The following SHROOM4 variants were observed in gnomAD, a reference collection of about 807,000 sequenced individuals.
SHROOM4 encodes shroom family member 4, also known as protein Shroom4.
In SHROOM4, 17 loss-of-function variants were observed where a neutral mutation model predicts 80.3. The ratio of observed to expected loss-of-function variants is 0.21; its 90% CI spans 0.14 to 0.32. The LOEUF (loss-of-function observed/expected upper bound fraction) is 0.32, where lower values mean the gene tolerates loss of function less well. Ranked by LOEUF, SHROOM4 falls within the 10% of genes least tolerant of loss-of-function variation. The pLI is 1.00. For missense variants in SHROOM4, 993 were observed against 1,140.3 expected (o/e 0.87, Z 1.86); for synonymous variants, 400 against 437.5 (o/e 0.91, Z 1.07).
chrX:50,781,047 T>C (rs1411943255), intron 1 of SHROOM4, among the ~76,000 whole-genome samples: 1 of 110,878 alleles, frequency 9.0e-6, no homozygotes, highest in Non-Finnish European at 1.9e-5. Flanking sequence ...GCACCAATGG[T>C]CCAAGGGCAG....
At chrX:50,640,618 T>C (rs1418128557) in intron 2 of SHROOM4, among the ~76,000 whole-genome samples, 1 of 111,649 alleles carries the variant, frequency 9.0e-6, no homozygotes, top group Non-Finnish European at 1.9e-5. Flanking sequence ...TACTCTCCTA[T>C]TCAAGAATCT....
At chrX:50,734,918 G>A (rs1257556788) in intron 1 of SHROOM4, among the ~76,000 whole-genome samples, 1 of 110,133 alleles carries the variant, frequency 9.1e-6, no homozygotes, top group African/African-American at 3.3e-5. Context: ...CGCCAGGTAA[G>A]GAGTCCCTTT....
chrX:50,645,625 G>C (rs1261108622), intron 2 of SHROOM4, among the ~76,000 whole-genome samples: 1 of 111,931 alleles, frequency 8.9e-6, no homozygotes, highest in Non-Finnish European at 1.9e-5. Flanking sequence ...ATCCTTCGTT[G>C]AGGGAAGATG....
At chrX:50,718,774 C>G (rs955496340) in intron 1 of SHROOM4, among the ~76,000 whole-genome samples, 1 of 111,494 alleles carries the variant, frequency 9.0e-6, no homozygotes, top group African/African-American at 3.3e-5. Context: ...ACTGAAGTGG[C>G]AGGCCCAAAG....
At chrX:50,803,974 A>G (rs1010473995) in intron 1 of SHROOM4, among the ~76,000 whole-genome samples, 1 of 111,780 alleles carries the variant, frequency 8.9e-6, no homozygotes, top group South Asian at 3.8e-4. Flanking sequence ...TGGTCTTCCA[A>G]CTTTTTGCAG....
intron 7 of SHROOM4, among the ~76,000 whole-genome samples, chrX:50,601,007 A>G (rs1929371485): frequency 8.9e-6 from 1 of 112,145 alleles, no homozygotes; most frequent in African/African-American, 3.2e-5. Flanking sequence ...GATAGATGGA[A>G]GGATAAAAGT....
intron 4 of SHROOM4, among the ~76,000 whole-genome samples, chrX:50,629,466 A>G (rs1354430142): frequency 8.9e-6 from 1 of 111,931 alleles, no homozygotes. Flanking sequence ...CAACTATATA[A>G]TAGTATAATC....
At chrX:50,647,123 C>T (rs2316200) in intron 2 of SHROOM4, among the ~76,000 whole-genome samples, 22,147 of 110,859 alleles carry the variant, frequency 0.2, 2,019 homozygotes, top group East Asian at 0.33. Flanking sequence ...ATGCAGTACT[C>T]GGGATTCTCT....
intron 5 of SHROOM4, among the ~76,000 whole-genome samples, chrX:50,618,309 T>TTCCC (rs1930366797): frequency 1.5e-3 from 1 of 653 alleles, no homozygotes; most frequent in Non-Finnish European, 4.6e-3. Context: ...CCTTCCTTCC[T>TTCCC]TCCTTCCTTC....
chrX:50,636,227 T>C (rs1208784132), intron 3 of SHROOM4, among the ~76,000 whole-genome samples: 2 of 110,774 alleles, frequency 1.8e-5, no homozygotes, highest in Non-Finnish European at 3.8e-5. Flanking sequence ...TTCCAACAAC[T>C]TCCCAGGTGC....
downstream of SHROOM4, among the ~76,000 whole-genome samples, chrX:50,585,316 C>G (rs1298163413): frequency 9.0e-6 from 1 of 111,579 alleles, no homozygotes; most frequent in African/African-American, 3.3e-5. Flanking sequence ...GATGTGAAAT[C>G]TGAGTTGACA....
intron 8 of SHROOM4, 56 bp from the exon 9 acceptor site, chrX:50,597,020 C>T: frequency 8.6e-7 from 1 of 1,166,724 alleles, no homozygotes; most frequent in East Asian, 3.0e-5. Flanking sequence ...ATCTGTCCAA[C>T]AGTGCTGCCT....
At position 50,633,458 on chromosome X, in the gene SHROOM4, C is replaced by G; in HGVS notation, c.2615G>C (p.Cys872Ser). ...ASKGLENSMC[C>S]KPLHCGDFDY... ...AAAATCACCACAGTGTAGTGGCTTA[C>G]AACACATGGAATTTTCTAGACCTTT... Residue 872 changes from cysteine to serine, a missense_variant, in exon 4 of 9, where the codon TGT becomes TCT. Coordinates refer to ENST00000376020, the MANE Select transcript of SHROOM4 (RefSeq NM_020717.5). 3.3e-6 allele frequency: 4 copies of G among 1,211,838 alleles called. No homozygotes were observed. The highest frequency in any genetic ancestry group is 4.5e-6 in the Non-Finnish European group (4 of 895,539).
chrX:50,676,454 T>A (rs1197167222), intron 2 of SHROOM4, among the ~76,000 whole-genome samples: 2 of 111,397 alleles, frequency 1.8e-5, no homozygotes, highest in Non-Finnish European at 3.8e-5. Flanking sequence ...AAGTCGGCAA[T>A]TTTGCTTTGG....
At chrX:50,812,317 TA>T (rs34184946) in intron 1 of SHROOM4, among the ~76,000 whole-genome samples, 4,604 of 66,700 alleles carry the variant, frequency 0.069, 154 homozygotes, top group South Asian at 0.13. Context: ...GTGTTTTTGT[TA>T]AAAAAAAAAA....
At chrX:50,603,314 C>T (rs1929520336) in intron 6 of SHROOM4, among the ~76,000 whole-genome samples, 1 of 110,766 alleles carries the variant, frequency 9.0e-6, no homozygotes, top group Admixed American at 9.6e-5. Context: ...CTTTCCTGGA[C>T]ACTCTCATCA....
rs1468464370 is a variant in SHROOM4 at position 50,592,042 on chromosome X, CG to C, written c.*4652del. 3.1e-6 allele frequency: 1 copy of C among 327,831 alleles called. No individual in the cohort carries two copies. Among genetic ancestry groups the C allele is most frequent in the Non-Finnish European group, 5.9e-6 (1 of 169,804 alleles). The allele number at this position is 327,831 out of a possible 1,213,427, so 27.0% of individuals were successfully genotyped here. On this transcript the variant is annotated 3_prime_UTR_variant, in exon 9 of 9. Transcript: ENST00000376020. The stretch of plus-strand genomic sequence containing the variant: ...GGAACTGTTTTCTTAATAACATTTT[CG>C]GATTGTTCATTTGATCTTGTGTTTT...
intron 2 of SHROOM4, 89 bp downstream of exon 2, chrX:50,695,697 T>C (rs1933349756): frequency 1.4e-5 from 14 of 1,014,101 alleles, no homozygotes; most frequent in Non-Finnish European, 2.0e-5. Flanking sequence ...TCCTTTATAA[T>C]ATTGATAGAG....
chrX:50,760,097 A>G (rs565872756), intron 1 of SHROOM4, among the ~76,000 whole-genome samples: 1 of 110,842 alleles, frequency 9.0e-6, no homozygotes, highest in African/African-American at 3.3e-5. Flanking sequence ...GTGTTGTTCA[A>G]GTCCTCTATT....
Sources: gnomAD v4.1 joint callset for allele counts (sites outside exome capture counted in the v4.1 genomes callset) on GRCh38, gnomAD v4.1.1 for gene constraint, MANE v1.5 for transcripts, NCBI Gene and HGNC (gene_info 2026-07-23, HGNC 2026-07-21) for gene names.